Variants in PHACTR3 observed in about 807,000 individuals in gnomAD.
The protein encoded by PHACTR3 is protein phosphatase 1, regulatory subunit 123.
PHACTR3 carries 16 observed loss-of-function variants against 66.8 expected under a neutral mutation model. The observed-to-expected ratio is 0.24, with a 90% CI of 0.16 to 0.36. PHACTR3 has a LOEUF of 0.36. Among genes scored for constraint, PHACTR3 ranks in the 10% least tolerant of loss-of-function variants. The pLI, the probability that PHACTR3 is intolerant of heterozygous loss-of-function variation, is 1.00. For synonymous variants in PHACTR3, 323 were observed against 292.1 expected, an observed-to-expected ratio of 1.11 and a Z score of -1.08; for missense variants, 647 against 719.9, an observed-to-expected ratio of 0.90 and a Z score of 1.16.
chr20:59,827,567 G>A (rs1020322986), intron 8 of PHACTR3, among the ~76,000 whole-genome samples: 6 of 152,280 alleles, frequency 3.9e-5, no homozygotes, highest in African/African-American at 9.6e-5. Context: ...GTCTCACCAG[G>A]TGAGACCATG....
rs866066668 is a variant in PHACTR3 at position 59,668,870 on chromosome 20, T to A, written c.118+63738T>A. On this transcript the variant is annotated intron_variant, in intron 1 of 12. Coordinates refer to ENST00000371015, the MANE Select transcript of PHACTR3 (RefSeq NM_080672.5). ...TGCCCGTCACCACACACAGCTAATTTTTTTATTTTATTTTATTTTATTTTA... is the reference window on the plus strand; with the variant it reads ...TGCCCGTCACCACACACAGCTAATTATTTTATTTTATTTTATTTTATTTTA... Among the ~76,000 whole-genome samples the A allele has an allele frequency of 3.7e-3, 509 of 138,682 alleles. 3 individuals carry two copies. The highest frequency in any genetic ancestry group is 0.013 in the African/African-American group (489 of 36,920). 91.0% of individuals were successfully genotyped at this position (138,682 alleles called of 152,430 possible). A position where few individuals can be genotyped will look rare whatever the true frequency, so the allele number is the denominator to read the frequency against.
intron 1 of PHACTR3, among the ~76,000 whole-genome samples, chr20:59,735,740 C>T (rs573742002): frequency 7.2e-5 from 11 of 152,202 alleles, no homozygotes; most frequent in African/African-American, 2.6e-4. Context: ...GCAACAAGCA[C>T]GAGAGTGACG....
At chr20:59,761,567 A>G (rs1311582122) in intron 4 of PHACTR3, among the ~76,000 whole-genome samples, 2 of 152,240 alleles carry the variant, frequency 1.3e-5, no homozygotes, top group African/African-American at 4.8e-5. Context: ...GGCAAGTGGC[A>G]GGGCAGAGTT....
intron 8 of PHACTR3, among the ~76,000 whole-genome samples, chr20:59,823,713 C>G (rs1033910523): frequency 6.6e-6 from 1 of 152,128 alleles, no homozygotes; most frequent in African/African-American, 2.4e-5. Flanking sequence ...AGTTTTAAGG[C>G]CCCACCTCCC....
At chr20:59,609,157 C>T (rs1427352101) in intron 1 of PHACTR3, among the ~76,000 whole-genome samples, 2 of 152,194 alleles carry the variant, frequency 1.3e-5, no homozygotes, top group Non-Finnish European at 2.9e-5. Context: ...GGGCCGGGTC[C>T]AGGTCTGCTT....
chr20:59,671,339 G>A (rs1289460416), intron 1 of PHACTR3, among the ~76,000 whole-genome samples: 4 of 152,106 alleles, frequency 2.6e-5, no homozygotes, highest in South Asian at 2.1e-4. Flanking sequence ...AGTAAGAGTC[G>A]GTTTCTCCAA....
intron 1 of PHACTR3, among the ~76,000 whole-genome samples, chr20:59,666,922 A>G (rs1447550772): frequency 6.6e-6 from 1 of 152,230 alleles, no homozygotes; most frequent in Non-Finnish European, 1.5e-5. Context: ...TGTTATTATT[A>G]TCACATGAAA....
upstream of PHACTR3, among the ~76,000 whole-genome samples, chr20:59,604,296 G>A (rs917200567): frequency 1.3e-5 from 2 of 152,098 alleles, no homozygotes; most frequent in African/African-American, 4.8e-5. Context: ...CCTTTCCTCC[G>A]GGAGGGGAGG....
intron 7 of PHACTR3, among the ~76,000 whole-genome samples, chr20:59,775,731 C>T (rs950293738): frequency 3.9e-5 from 6 of 152,174 alleles, no homozygotes; most frequent in Admixed American, 3.3e-4. Flanking sequence ...TTCCCAAACT[C>T]GTTAGGCCCT....
At chr20:59,645,711 G>A (rs1016947027) in intron 1 of PHACTR3, among the ~76,000 whole-genome samples, 2 of 151,758 alleles carry the variant, frequency 1.3e-5, no homozygotes, top group African/African-American at 4.8e-5. Flanking sequence ...TATCCCTGTC[G>A]ACACCACCAG....
At chr20:59,781,601 G>T (rs565854696) in intron 7 of PHACTR3, among the ~76,000 whole-genome samples, 1 of 152,256 alleles carries the variant, frequency 6.6e-6, no homozygotes, top group South Asian at 2.1e-4. Flanking sequence ...CTGAGGGTGT[G>T]TCCCAGCGGC....
At chr20:59,845,317 GCCTTCCC>G (rs1167999553) in intron 12 of PHACTR3, 52 bp downstream of exon 12, 2 of 1,149,970 alleles carry the variant, frequency 1.7e-6, no homozygotes, top group Non-Finnish European at 2.6e-6. Flanking sequence ...AACACACACC[GCCTTCCC>G]CCGTCCCCCG....
In PHACTR3 at chr20:59,588,733, T is replaced by C. The variant is rs566636874; in HGVS notation, c.109+11116T>C. ...CACCTCCCACCCCCGCTCCCTGGCC[T>C]CCATGCCTGGCACAGGCCCTGTGCT... is the stretch of plus-strand genomic sequence containing the variant. On this transcript the variant is annotated intron_variant, in intron 1 of 12. Coordinates refer to the PHACTR3 transcript ENST00000359926. Among the ~76,000 whole-genome samples, 242 of 150,472 alleles carry C rather than the reference T, an allele frequency of 1.6e-3. 2 individuals carry two copies. The highest frequency in any genetic ancestry group is 5.6e-3 in the African/African-American group (228 of 40,616).
chr20:59,765,027 A>G (rs141486823), intron 4 of PHACTR3, among the ~76,000 whole-genome samples: 89 of 152,194 alleles, frequency 5.8e-4, no homozygotes, highest in Non-Finnish European at 1.1e-3. Flanking sequence ...AAGACAGAAA[A>G]CTCCACAAAG....
Position 59,591,877 on chromosome 20 carries a change from A to T in PHACTR3, c.109+14260A>T, listed in dbSNP as rs575595963. 3.3e-5 allele frequency among the ~76,000 whole-genome samples: 5 copies of T among 152,226 alleles called. No individual in the cohort carries two copies. The South Asian group carries it at 1.0e-3, about 32-fold the overall frequency. On this transcript the variant is annotated intron_variant, in intron 1 of 12. Transcript: ENST00000359926. ...GTAAAAATATAAAGAATACAGTAGG[A>T]TGTAAGGCAAAAATCAGCTTCTCTC...
intron 6 of PHACTR3, among the ~76,000 whole-genome samples, chr20:59,773,966 G>A (rs1245496024): frequency 6.6e-6 from 1 of 152,246 alleles, no homozygotes; most frequent in African/African-American, 2.4e-5. Flanking sequence ...GTCCTTCTCA[G>A]TTTTTGTGAA....
intron 8 of PHACTR3, among the ~76,000 whole-genome samples, chr20:59,814,191 G>A (rs1342132675): frequency 6.6e-6 from 1 of 152,182 alleles, no homozygotes; most frequent in Admixed American, 6.5e-5. Context: ...TGCAGGGCTG[G>A]TTTGGGAGAG....
intron 7 of PHACTR3, among the ~76,000 whole-genome samples, chr20:59,775,670 G>A (rs2040513896): frequency 1.3e-5 from 2 of 152,192 alleles, no homozygotes; most frequent in Admixed American, 6.5e-5. Context: ...CTAGGAGCTG[G>A]TCACTGGCCT....
At chr20:59,611,948 T>C (rs1045052049) in intron 1 of PHACTR3, among the ~76,000 whole-genome samples, 1 of 152,158 alleles carries the variant, frequency 6.6e-6, no homozygotes, top group Non-Finnish European at 1.5e-5. Context: ...GAAGGTGCTT[T>C]TTAGGGGAGG....
Sources: gnomAD v4.1 joint callset for allele counts (sites outside exome capture counted in the v4.1 genomes callset) on GRCh38, gnomAD v4.1.1 for gene constraint, MANE v1.5 for transcripts, NCBI Gene and HGNC (gene_info 2026-07-23, HGNC 2026-07-21) for gene names.